Variants in RIN3 observed in about 807,000 individuals in gnomAD.
RIN3 encodes Ras and Rab interactor 3, also known as RAB5 interacting protein 3.
A neutral mutation model predicts 76.3 loss-of-function variants in RIN3; 54 were observed. The ratio of observed to expected loss-of-function variants is 0.71; its 90% CI spans 0.57 to 0.89. The LOEUF is 0.89. Among genes scored for constraint, RIN3 ranks in the 40% least tolerant of loss-of-function variants. The pLI is 0.00. For missense variants in RIN3, 1,256 were observed against 1,322.1 expected, an observed-to-expected ratio of 0.95 and a Z score of 0.78; for synonymous variants, 576 against 564.0, an observed-to-expected ratio of 1.02 and a Z score of -0.30.
intron 3 of RIN3, among the ~76,000 whole-genome samples, chr14:92,578,382 C>A (rs546697509): frequency 3.3e-5 from 5 of 152,286 alleles, no homozygotes; most frequent in South Asian, 2.1e-4. Context: ...ACAATGTCAC[C>A]GGGTTTGGGG....
At chr14:92,661,596 C>T (rs981711656) in intron 7 of RIN3, among the ~76,000 whole-genome samples, 36 of 152,016 alleles carry the variant, frequency 2.4e-4, no homozygotes, top group South Asian at 6.2e-4. Flanking sequence ...TGTTGGCGGG[C>T]GCCTGTGATC....
At chr14:92,631,101 AGCCCTG>A (rs746180968) in intron 4 of RIN3, among the ~76,000 whole-genome samples, 1 of 152,208 alleles carries the variant, frequency 6.6e-6, no homozygotes, top group Non-Finnish European at 1.5e-5. Flanking sequence ...GATGCTTGTC[AGCCCTG>A]GCGTTTAGTT....
At chr14:92,598,553 A>G (rs990851101) in intron 3 of RIN3, among the ~76,000 whole-genome samples, 3 of 152,266 alleles carry the variant, frequency 2.0e-5, no homozygotes, top group Non-Finnish European at 2.9e-5. Flanking sequence ...ACAGATGAAG[A>G]AACGGAGGCA....
rs1279852503 is a variant in RIN3, at chr14:92,555,794, G to A, written c.88G>A (p.Asp30Asn). 1 of 1,614,170 alleles carries A rather than the reference G, an allele frequency of 6.2e-7. No homozygotes were observed. Among genetic ancestry groups the A allele is most frequent in the South Asian group, 1.1e-5 (1 of 91,088 alleles). Reference sequence around the variant, plus strand: ...CAAAGGAGAGGAAGAGGAAGAGGAAGATGGCATGCGGCTTTGTCTGCCAGC... The same window carrying A: ...CAAAGGAGAGGAAGAGGAAGAGGAAAATGGCATGCGGCTTTGTCTGCCAGC... The part of the protein sequence containing the change: ...VGKGEEEEEE[D>N]GMRLCLPANP... Residue 30 changes from aspartate to asparagine, a missense_variant, in exon 2 of 10, where the codon GAT (aspartate) becomes AAT (asparagine). Physicochemically the swap from Asp to Asn is conservative, Grantham distance 23. Transcript: ENST00000216487.
intron 3 of RIN3, among the ~76,000 whole-genome samples, chr14:92,602,886 G>A (rs1158013599): frequency 6.6e-6 from 1 of 152,188 alleles, no homozygotes; most frequent in African/African-American, 2.4e-5. Context: ...AGGGTGCAGA[G>A]CTATCCCTTA....
chr14:92,601,384 C>T (rs1885338951), intron 3 of RIN3, among the ~76,000 whole-genome samples: 1 of 152,184 alleles, frequency 6.6e-6, no homozygotes, highest in East Asian at 1.9e-4. Context: ...GCTCTGTGAC[C>T]TTCAGTGAGC....
chr14:92,592,642 GTAT>G (rs143659950), intron 3 of RIN3, among the ~76,000 whole-genome samples: 33,473 of 134,122 alleles, frequency 0.25, 4,432 homozygotes, highest in South Asian at 0.31. Context: ...TTTAAATTTT[GTAT>G]TATTATTATT....
chr14:92,659,105 G>T, intron 6 of RIN3, 56 bp from the exon 7 acceptor site: 1 of 1,554,696 alleles, frequency 6.4e-7, no homozygotes, highest in South Asian at 1.1e-5. Context: ...AACAGAACCA[G>T]GTGGCAGGAT....
rs1888302392 is a variant in RIN3 at position 92,672,009 on chromosome 14, T to TA, written c.2336-4465dup. On this transcript the variant is annotated intron_variant, in intron 7 of 9. Coordinates refer to ENST00000216487, the MANE Select transcript of RIN3 (RefSeq NM_024832.5). Reference sequence around the variant, plus strand: ...GTGTTATACTGCAGGAGCCAGGACTTAGAGACAAGGCCGCCCAGGCTATGA... The same window carrying TA: ...GTGTTATACTGCAGGAGCCAGGACTTAAGAGACAAGGCCGCCCAGGCTATGA... Among the ~76,000 whole-genome samples, 3 of 152,274 alleles carry TA rather than the reference T, an allele frequency of 2.0e-5. No individual in the cohort carries two copies. The South Asian group carries it at 6.2e-4, about 32-fold the overall frequency.
chr14:92,652,842 A>G lies in RIN3; in HGVS notation c.1793A>G (p.Asn598Ser). Residue 598 changes from asparagine to serine, a missense_variant, in exon 6 of 10, where the codon AAC becomes AGC. By Grantham distance (46) the Asn-to-Ser change is conservative (BLOSUM62 1). Transcript: ENST00000216487. The surrounding 1 kb of genome is among the most constrained non-coding windows in gnomAD (Gnocchi z 6.4). ...ATGTTCCACGCTTTCCTCTCCAACA[A>G]CCGCAAGCTGTACAAGAAGGTGGTG... ...SSMFHAFLSNNRKLYKKVVEL... is the reference protein window; with the variant it reads ...SSMFHAFLSNSRKLYKKVVEL... 6 of 1,613,982 alleles carry G rather than the reference A, an allele frequency of 3.7e-6. No homozygotes were observed. The highest frequency in any genetic ancestry group is 5.1e-6 in the Non-Finnish European group (6 of 1,180,006).
chr14:92,550,032 T>C (rs1352366842), intron 1 of RIN3, among the ~76,000 whole-genome samples: 1 of 152,194 alleles, frequency 6.6e-6, no homozygotes, highest in African/African-American at 2.4e-5. Flanking sequence ...GCTGATCTGA[T>C]GCTGGTTGGG....
intron 1 of RIN3, among the ~76,000 whole-genome samples, chr14:92,521,885 C>G (rs1896606117): frequency 6.6e-6 from 1 of 152,194 alleles, no homozygotes; most frequent in African/African-American, 2.4e-5. Context: ...GACTCCTTGA[C>G]AGAGCTGGCA....
rs111975553 is a variant in RIN3 at position 92,569,305 on chromosome 14, C to T, written c.250-8055C>T. Among the ~76,000 whole-genome samples, 127 of 152,294 alleles carry T rather than the reference C, an allele frequency of 8.3e-4. 2 individuals are homozygous for T. Among genetic ancestry groups the T allele is most frequent in the African/African-American group, 2.9e-3 (121 of 41,572 alleles). Reference sequence around the variant, plus strand: ...CGGGTGGGGTGAGTGGAGCGTGGTCCTCAGTGAGCGTCCTGTTGGGTGCTT... The same window carrying T: ...CGGGTGGGGTGAGTGGAGCGTGGTCTTCAGTGAGCGTCCTGTTGGGTGCTT... On this transcript the variant is annotated intron_variant, in intron 2 of 9. Transcript: ENST00000216487.
intron 3 of RIN3, among the ~76,000 whole-genome samples, chr14:92,583,800 C>T (rs764383029): frequency 6.6e-5 from 10 of 152,274 alleles, no homozygotes; most frequent in South Asian, 2.1e-4. Context: ...TATTTTTCCA[C>T]AGATGGGATG....
chr14:92,653,753 C>T lies in RIN3; in HGVS notation c.2026+678C>T, dbSNP rs1380768634. On this transcript the variant is annotated intron_variant, in intron 6 of 9. Coordinates refer to ENST00000216487, the MANE Select transcript of RIN3 (RefSeq NM_024832.5). ...AATATTCAGGCCAGGCGCACTGGCT[C>T]AAGCCTATAATCCCAGCACTCTGGG... Among the ~76,000 whole-genome samples, 2 of 152,240 alleles carry T rather than the reference C, an allele frequency of 1.3e-5. 1 individual carries two copies. The highest frequency in any genetic ancestry group is 2.9e-5 in the Non-Finnish European group (2 of 68,052).
At chr14:92,590,957 G>A (rs1424652389) in intron 3 of RIN3, among the ~76,000 whole-genome samples, 1 of 152,246 alleles carries the variant, frequency 6.6e-6, no homozygotes, top group South Asian at 2.1e-4. Context: ...ATATTAAAAG[G>A]CATTAAACAC....
chr14:92,554,372 C>T (rs1286571390), intron 1 of RIN3, among the ~76,000 whole-genome samples: 1 of 152,106 alleles, frequency 6.6e-6, no homozygotes, highest in Non-Finnish European at 1.5e-5. Flanking sequence ...CCAGCGAAGC[C>T]CTCAGTTTGA....
intron 2 of RIN3, among the ~76,000 whole-genome samples, chr14:92,557,476 G>A (rs1294615045): frequency 6.6e-6 from 1 of 152,222 alleles, no homozygotes; most frequent in African/African-American, 2.4e-5. Flanking sequence ...TGCCTCCCAG[G>A]AAGAGTCCAG....
At chr14:92,527,767 G>T (rs1896781417) in intron 1 of RIN3, among the ~76,000 whole-genome samples, 1 of 152,120 alleles carries the variant, frequency 6.6e-6, no homozygotes. Flanking sequence ...GTCACCATGT[G>T]CCTGGCTTTT....
Sources: allele counts gnomAD v4.1 joint callset (sites outside exome capture counted in the v4.1 genomes callset), GRCh38; gene constraint gnomAD v4.1.1; non-coding constraint Gnocchi (gnomAD v3.1); transcripts MANE v1.5; gene names NCBI Gene and HGNC (gene_info 2026-07-23, HGNC 2026-07-21).